Variants in KDM2A observed in about 807,000 individuals in gnomAD.
The protein encoded by KDM2A is lysine-specific demethylase 2A.
KDM2A carries 3 observed loss-of-function variants against 137.3 expected under a neutral mutation model. The observed-to-expected ratio is 0.02, with a 90% CI of 0.01 to 0.06. The LOEUF (loss-of-function observed/expected upper bound fraction) is 0.06. Among genes scored for constraint, KDM2A ranks in the 10% least tolerant of loss-of-function variants. KDM2A has a pLI of 1.00. For missense variants in KDM2A, 738 were observed against 1,510.6 expected (o/e 0.49, Z 8.48); for synonymous variants, 512 against 541.5 (o/e 0.95, Z 0.76).
chr11:67,128,005 C>A (rs969396810), intron 2 of KDM2A, among the ~76,000 whole-genome samples: 2 of 142,914 alleles, frequency 1.4e-5, no homozygotes, highest in Non-Finnish European at 3.1e-5. Flanking sequence ...CCAGCACACC[C>A]GGCCTTTTTT....
chr11:67,232,142 T>C (rs1858736693), intron 12 of KDM2A, among the ~76,000 whole-genome samples, 182 bp downstream of exon 12: 1 of 152,246 alleles, frequency 6.6e-6, no homozygotes, highest in Non-Finnish European at 1.5e-5. Flanking sequence ...GTTATGTCCC[T>C]GTTTTGAAAA....
chr11:67,168,436 C>A (rs1856795621), intron 2 of KDM2A, among the ~76,000 whole-genome samples: 1 of 151,788 alleles, frequency 6.6e-6, no homozygotes, highest in South Asian at 2.1e-4. Flanking sequence ...TATTTGTTGC[C>A]CCCTAGTGGC....
In KDM2A at chr11:67,125,808, G is replaced by T. The variant is rs187106935; in HGVS notation, c.42+4450G>T. Among the ~76,000 whole-genome samples, 4 of 151,636 alleles carry T rather than the reference G, an allele frequency of 2.6e-5. No individual in the cohort carries two copies. In the Admixed American group the frequency reaches 2.6e-4, roughly 10 times the overall value. On this transcript the variant is annotated intron_variant, in intron 2 of 20. Coordinates refer to ENST00000529006, the MANE Select transcript of KDM2A (RefSeq NM_012308.3). ...AAAAAAAAAAAATTAGCCGGGCGTG[G>T]TGTAGGGCGCCTGTAATACCAGCTA...
chr11:67,174,025 C>T (rs150291363), intron 2 of KDM2A, among the ~76,000 whole-genome samples: 6 of 152,240 alleles, frequency 3.9e-5, no homozygotes, highest in Non-Finnish European at 7.4e-5. Flanking sequence ...TGGGAGGCCA[C>T]GGCAGGCAAA....
intron 2 of KDM2A, among the ~76,000 whole-genome samples, chr11:67,131,608 T>TA (rs1855856706): frequency 6.6e-6 from 1 of 151,756 alleles, no homozygotes; most frequent in Non-Finnish European, 1.5e-5. Flanking sequence ...GATGGGGTTT[T>TA]ACCATATTGG....
At chr11:67,220,401 G>A (rs935216570) in intron 10 of KDM2A, among the ~76,000 whole-genome samples, 1 of 152,136 alleles carries the variant, frequency 6.6e-6, no homozygotes, top group African/African-American at 2.4e-5. Flanking sequence ...ATAATTTGGT[G>A]TAATGGGGCT....
At chr11:67,216,932 AAAC>A (rs1430129127) in intron 8 of KDM2A, among the ~76,000 whole-genome samples, 2 of 151,428 alleles carry the variant, frequency 1.3e-5, no homozygotes, top group African/African-American at 4.9e-5. Flanking sequence ...AAAAAGAAAC[AAAC>A]AACAACAACA....
At chr11:67,162,336 C>A (rs568161976) in intron 2 of KDM2A, among the ~76,000 whole-genome samples, 1 of 152,134 alleles carries the variant, frequency 6.6e-6, no homozygotes, top group South Asian at 2.1e-4. Flanking sequence ...ATATAATGCT[C>A]ACTTCTCCTG....
chr11:67,232,128 T>C (rs1858736342), intron 12 of KDM2A, among the ~76,000 whole-genome samples, 168 bp downstream of exon 12: 1 of 152,254 alleles, frequency 6.6e-6, no homozygotes, highest in Non-Finnish European at 1.5e-5. Context: ...ATTACTAGAA[T>C]GAGGTTATGT....
intron 5 of KDM2A, among the ~76,000 whole-genome samples, chr11:67,207,152 G>C (rs939031301): frequency 6.6e-6 from 1 of 152,188 alleles, no homozygotes; most frequent in African/African-American, 2.4e-5. Flanking sequence ...GAGTGAGCCT[G>C]CCCCGGTTCT....
chr11:67,126,117 A>G (rs1367807825), intron 2 of KDM2A, among the ~76,000 whole-genome samples: 1 of 142,312 alleles, frequency 7.0e-6, no homozygotes, highest in East Asian at 2.2e-4. Flanking sequence ...GTGGTGACGC[A>G]TGCCTGTAAT....
chr11:67,156,564 A>G (rs1856519239), intron 2 of KDM2A, among the ~76,000 whole-genome samples: 2 of 151,890 alleles, frequency 1.3e-5, no homozygotes, highest in South Asian at 4.2e-4. Context: ...AGAAAAATAC[A>G]GAAAATTAGC....
rs539239866 is a variant in KDM2A, at chr11:67,181,694, A to G, written c.261-152A>G. ...ATTCTTTTTTCCTGTGCATATGTGTAAATATATAATCACCTATATTTTTAA... is the reference window on the plus strand; with the variant it reads ...ATTCTTTTTTCCTGTGCATATGTGTGAATATATAATCACCTATATTTTTAA... On this transcript the variant is annotated intron_variant, in intron 4 of 20. Coordinates refer to ENST00000529006, the MANE Select transcript of KDM2A (RefSeq NM_012308.3). 4.6e-5 allele frequency among the ~76,000 whole-genome samples: 7 copies of G among 152,142 alleles called. No individual in the cohort carries two copies. In the East Asian group the frequency reaches 1.2e-3, roughly 25 times the overall value.
At chr11:67,171,998 T>C (rs1016124396) in intron 2 of KDM2A, among the ~76,000 whole-genome samples, 1 of 152,204 alleles carries the variant, frequency 6.6e-6, no homozygotes, top group Non-Finnish European at 1.5e-5. Flanking sequence ...TTCACTCTTC[T>C]TTTTTCTTTG....
intron 19 of KDM2A, among the ~76,000 whole-genome samples, chr11:67,253,938 T>G (rs1859519005): frequency 6.6e-6 from 1 of 152,162 alleles, no homozygotes; most frequent in Non-Finnish European, 1.5e-5. Context: ...GTGGTGGTAT[T>G]GGAAGGGGAG....
chr11:67,219,416 A>C lies in KDM2A; in HGVS notation c.957+13A>C. The C allele has an allele frequency of 6.9e-7, 1 of 1,450,410 alleles. No homozygotes were observed. Among genetic ancestry groups the C allele is most frequent in the Non-Finnish European group, 9.6e-7 (1 of 1,046,086 alleles). 89.8% of individuals were successfully genotyped at this position (1,450,410 alleles called of 1,614,324 possible). On this transcript the variant is annotated intron_variant, in intron 10 of 20. Coordinates refer to ENST00000529006, the MANE Select transcript of KDM2A (RefSeq NM_012308.3). ...AGATCGGACACGGGTAAGTAATCTT[A>C]TGTAACAGTTGCATGTGAAGAGGTT...
chr11:67,122,643 T>TTTTATTTA lies in KDM2A; in HGVS notation c.42+1325_42+1332dup, dbSNP rs561153207. On this transcript the variant is annotated intron_variant, in intron 2 of 20. Transcript: ENST00000529006. ...TGGCCATGGCCTATTTTTTATTTAT[T>TTTTATTTA]TTTATTTATTTATTTATTTATTTAT... is the stretch of plus-strand genomic sequence containing the variant. Among the ~76,000 whole-genome samples the TTTTATTTA allele has an allele frequency of 3.7e-3, 537 of 144,644 alleles. 2 individuals carry two copies. Among genetic ancestry groups the TTTTATTTA allele is most frequent in the Middle Eastern group, 7.1e-3 (2 of 280 alleles). 94.9% of individuals were successfully genotyped at this position (144,644 alleles called of 152,430 possible). A position where few individuals can be genotyped will look rare whatever the true frequency, so the allele number is the denominator to read the frequency against.
intron 2 of KDM2A, among the ~76,000 whole-genome samples, chr11:67,123,698 C>T (rs1295562763): frequency 1.3e-5 from 2 of 150,284 alleles, no homozygotes; most frequent in African/African-American, 2.4e-5. Context: ...TTTTTTGAGA[C>T]GGAGTTTCAC....
intron 6 of KDM2A, among the ~76,000 whole-genome samples, chr11:67,208,900 G>A (rs1366266022): frequency 2.0e-5 from 3 of 151,690 alleles, no homozygotes; most frequent in Non-Finnish European, 4.4e-5. Flanking sequence ...GGAATGTCAC[G>A]AGACCCCCAA....
Sources: gnomAD v4.1 joint callset for allele counts (sites outside exome capture counted in the v4.1 genomes callset) on GRCh38, gnomAD v4.1.1 for gene constraint, MANE v1.5 for transcripts, NCBI Gene and HGNC (gene_info 2026-07-23, HGNC 2026-07-21) for gene names.